Variants in PHF21B observed in about 807,000 individuals in gnomAD.
PHF21B encodes PHD finger protein 4.
A neutral mutation model predicts 62.2 loss-of-function variants in PHF21B; 22 were observed. The ratio of observed to expected loss-of-function variants is 0.35; its 90% confidence interval spans 0.25 to 0.51. The LOEUF is 0.51. Ranked by LOEUF, PHF21B falls within the 20% of genes least tolerant of loss-of-function variation. The pLI, the probability that PHF21B is intolerant of heterozygous loss-of-function variation, is 0.97. For missense variants in PHF21B, 701 were observed against 707.9 expected (o/e 0.99, Z 0.11); for synonymous variants, 341 against 314.7 (o/e 1.08, Z -0.88).
chr22:44,887,754 C>CAAAAA (rs59049105), intron 10 of PHF21B, among the ~76,000 whole-genome samples: 7 of 72,302 alleles, frequency 9.7e-5, no homozygotes, highest in African/African-American at 3.2e-4. Context: ...GACTCTGTCT[C>CAAAAA]AAAAAAAAAA....
At position 44,882,750 on chromosome 22, in the gene PHF21B, C is replaced by G. The variant is rs41278897; in HGVS notation, c.*336G>C. The G allele has an allele frequency of 7.4e-6, 2 of 270,140 alleles. No homozygotes were observed. The highest frequency in any genetic ancestry group is 4.5e-5 in the African/African-American group (2 of 44,856). 16.7% of individuals were successfully genotyped at this position (270,140 alleles called of 1,614,324 possible). On this transcript the variant is annotated 3_prime_UTR_variant, in exon 13 of 13. Transcript: ENST00000313237. ...TTGTCCCCTCCACAGCCTCAGCCTG[C>G]CCCTCCAACGGGCCAGAGGGAGGCC...
Position 44,913,918 on chromosome 22 carries a change from C to A in PHF21B, c.735G>T (p.Thr245=). ...QPQVQTQPES[T]AESRPPTEEP... ...CCTCTGTGGGCGGCCGCGACTCTGC[C>A]GTGCTCTCGGGCTGCGTCTGCACTT... Residue 245 remains threonine (T), a synonymous_variant, in exon 5 of 13, where the codon ACG becomes ACT. Coordinates refer to ENST00000313237, the MANE Select transcript of PHF21B (RefSeq NM_138415.5). 6.3e-7 allele frequency: 1 copy of A among 1,593,396 alleles called. No individual in the cohort carries two copies. Among genetic ancestry groups the A allele is most frequent in the Non-Finnish European group, 8.6e-7 (1 of 1,167,528 alleles).
Position 45,009,509 on chromosome 22 carries a change from A to G in PHF21B, c.41T>C (p.Leu14Pro). Residue 14 changes from leucine to proline, a missense_variant, in exon 1 of 13, where the codon CTC becomes CCC. Transcript: ENST00000313237. The surrounding 1 kb of genome is among the most constrained non-coding windows in gnomAD (Gnocchi z 5.9). ...CCGGCCACCTACCTGGTGGCGCGCG[A>G]GTTCCACGGCGAGCGCCTCGGGCCG... ...QSRPEALAVELARHQNGDLKK... is the reference protein window; with the variant it reads ...QSRPEALAVEPARHQNGDLKK... The G allele has an allele frequency of 6.4e-7, 1 of 1,561,060 alleles. No individual in the cohort carries two copies. Among genetic ancestry groups the G allele is most frequent in the Non-Finnish European group, 8.6e-7 (1 of 1,162,642 alleles).
intron 2 of PHF21B, among the ~76,000 whole-genome samples, chr22:44,976,863 G>A (rs113976918): frequency 1.3e-5 from 2 of 152,234 alleles, no homozygotes; most frequent in Non-Finnish European, 1.5e-5. Context: ...GGCCAGGGCC[G>A]GGCGGGGGCT....
At chr22:44,950,409 GTT>G (rs1422624514) in intron 2 of PHF21B, among the ~76,000 whole-genome samples, 3 of 152,158 alleles carry the variant, frequency 2.0e-5, no homozygotes, top group African/African-American at 7.2e-5. Flanking sequence ...TCTCTCAAAA[GTT>G]CACGACAGAT....
intron 2 of PHF21B, among the ~76,000 whole-genome samples, chr22:44,984,197 C>T (rs371036192): frequency 9.2e-5 from 12 of 129,858 alleles, no homozygotes; most frequent in East Asian, 2.5e-4. Flanking sequence ...ATCATCACCA[C>T]CACTACCACC....
intron 2 of PHF21B, among the ~76,000 whole-genome samples, chr22:44,949,952 C>T (rs1317437474): frequency 2.0e-5 from 3 of 152,170 alleles, no homozygotes; most frequent in Admixed American, 2.0e-4. Flanking sequence ...TAAGTTCAGG[C>T]AACATTTTTT....
Position 44,930,726 on chromosome 22 carries a change from ACT to A in PHF21B, c.121-10238_121-10237del, listed in dbSNP as rs1488184589. Reference sequence around the variant, plus strand: ...GAGCTGAATGTGAGTCAGGCAGAGCACTCTGGGGCAGGCACCAGAAGGGCTCT... The same window carrying A: ...GAGCTGAATGTGAGTCAGGCAGAGCACTGGGGCAGGCACCAGAAGGGCTCT... On this transcript the variant is annotated intron_variant, in intron 2 of 12. Coordinates refer to ENST00000313237, the MANE Select transcript of PHF21B (RefSeq NM_138415.5). Among the ~76,000 whole-genome samples, 4 of 152,150 alleles carry A rather than the reference ACT, an allele frequency of 2.6e-5. No individual in the cohort carries two copies. The East Asian group carries it at 7.7e-4, about 29-fold the overall frequency.
At position 44,949,007 on chromosome 22, in the gene PHF21B, A is replaced by G. The variant is rs557197956; in HGVS notation, c.121-28517T>C. 2.6e-5 allele frequency among the ~76,000 whole-genome samples: 4 copies of G among 152,302 alleles called. No individual in the cohort carries two copies. In the East Asian group the frequency reaches 5.8e-4, roughly 22 times the overall value. On this transcript the variant is annotated intron_variant, in intron 2 of 12. Transcript: ENST00000313237. ...GGGAAGTAACGCTCAAGCTCTTTTG[A>G]AAGCTGAGGTAGGGGCCGGGCGCGG...
At chr22:44,993,527 A>G (rs1009208947) in intron 2 of PHF21B, among the ~76,000 whole-genome samples, 3 of 152,240 alleles carry the variant, frequency 2.0e-5, no homozygotes, top group African/African-American at 7.2e-5. Context: ...ACAGCCAAGA[A>G]CAGCGAGTCC....
chr22:44,949,025 G>A (rs573712008), intron 2 of PHF21B, among the ~76,000 whole-genome samples: 146 of 152,290 alleles, frequency 9.6e-4, no homozygotes, highest in African/African-American at 3.4e-3. Flanking sequence ...GGTAGGGGCC[G>A]GGCGCGGTGG....
In PHF21B at chr22:44,923,611, A is replaced by G. The variant is rs138152106; in HGVS notation, c.121-3121T>C. Among the ~76,000 whole-genome samples the G allele has an allele frequency of 1.2e-3, 177 of 152,332 alleles. 2 individuals carry two copies. The highest frequency in any genetic ancestry group is 0.011 in the East Asian group (58 of 5,190). ...GGAAAAAAACACATACAAATCACCT[A>G]TCTGATGAAAGCCTTGTATCCATAA... is the stretch of plus-strand genomic sequence containing the variant. On this transcript the variant is annotated intron_variant, in intron 2 of 12. Transcript: ENST00000313237.
At chr22:44,891,563 G>C (rs773916410) in intron 7 of PHF21B, among the ~76,000 whole-genome samples, 2 of 152,114 alleles carry the variant, frequency 1.3e-5, no homozygotes, top group African/African-American at 4.8e-5. Flanking sequence ...GGGGCGGGGC[G>C]GGGCAGGGAA....
intron 5 of PHF21B, among the ~76,000 whole-genome samples, chr22:44,907,350 C>T (rs1274123225): frequency 6.6e-6 from 1 of 152,236 alleles, no homozygotes; most frequent in Non-Finnish European, 1.5e-5. Flanking sequence ...CAGCTACAAC[C>T]TTGGGCAAGG....
chr22:45,008,933 G>A (rs986183283), intron 1 of PHF21B: 5 of 1,107,600 alleles, frequency 4.5e-6, no homozygotes, highest in African/African-American at 3.3e-5. Context: ...TGCCGGGGGA[G>A]GGGGGAGGAA....
At chr22:44,981,338 T>C (rs977729202) in intron 2 of PHF21B, among the ~76,000 whole-genome samples, 15 of 152,154 alleles carry the variant, frequency 9.9e-5, no homozygotes, top group African/African-American at 3.6e-4. Flanking sequence ...GCTGGGCTGG[T>C]AGCTCCTTCT....
intron 2 of PHF21B, among the ~76,000 whole-genome samples, chr22:44,957,883 G>A (rs1311633634): frequency 6.7e-6 from 1 of 149,356 alleles, no homozygotes; most frequent in Non-Finnish European, 1.5e-5. Context: ...AACTCTAGCT[G>A]GACCTGATCA....
intron 2 of PHF21B, among the ~76,000 whole-genome samples, chr22:44,969,371 G>T (rs2072593204): frequency 6.6e-6 from 1 of 152,172 alleles, no homozygotes. Flanking sequence ...TTCTGCAACT[G>T]AAAAATGGAG....
chr22:44,995,722 C>T (rs1425934991), intron 2 of PHF21B, among the ~76,000 whole-genome samples: 4 of 152,150 alleles, frequency 2.6e-5, no homozygotes, highest in East Asian at 3.9e-4. Flanking sequence ...CTCGGTATGT[C>T]GGCACCTTCC....
Sources: allele counts gnomAD v4.1 joint callset (sites outside exome capture counted in the v4.1 genomes callset), GRCh38; gene constraint gnomAD v4.1.1; non-coding constraint Gnocchi (gnomAD v3.1); transcripts MANE v1.5; gene names NCBI Gene and HGNC (gene_info 2026-07-23, HGNC 2026-07-21).